POLG: variants seen among roughly 807,000 people sequenced by gnomAD.
POLG encodes DNA polymerase gamma, catalytic subunit, also known as DNA polymerase subunit gamma-1.
A neutral mutation model predicts 155.4 loss-of-function variants in POLG; 110 were observed. The ratio of observed to expected loss-of-function variants is 0.71; its 90% CI spans 0.61 to 0.83. The LOEUF (loss-of-function observed/expected upper bound fraction) is 0.83, where lower values mean the gene tolerates loss of function less well. Among genes scored for constraint, POLG ranks in the 40% least tolerant of loss-of-function variants. The pLI is 0.00. For missense variants in POLG, 1,685 were observed against 1,627.5 expected (o/e 1.04, Z -0.61); for synonymous variants, 701 against 631.5 (o/e 1.11, Z -1.65).
At chr15:89,318,511 G>A (rs934992702) in intron 21 of POLG, 30 bp downstream of exon 21, 2 of 1,596,438 alleles carry the variant, frequency 1.3e-6, no homozygotes, top group African/African-American at 2.7e-5. Context: ...GGAGCACATG[G>A]CCAGGCTAGA....
At chr15:89,328,264 C>T (rs2055548768) in intron 6 of POLG, among the ~76,000 whole-genome samples, 192 bp downstream of exon 6, 1 of 152,188 alleles carries the variant, frequency 6.6e-6, no homozygotes, top group South Asian at 2.1e-4. Context: ...CATGGCCCTC[C>T]CCTTCAGGGC....
chr15:89,328,415 C>T (rs1239812769), intron 6 of POLG, 41 bp downstream of exon 6: 3 of 1,514,438 alleles, frequency 2.0e-6, no homozygotes, highest in Non-Finnish European at 2.7e-6. Context: ...GTACCAGGAA[C>T]ACACTGACCC....
chr15:89,317,843 T>A (rs2055324314), intron 21 of POLG: 2 of 415,712 alleles, frequency 4.8e-6, no homozygotes, highest in Admixed American at 7.4e-5. Flanking sequence ...GAAGCATAAA[T>A]GAGGACTTTT....
Position 89,333,217 on chromosome 15 carries a change from G to A in POLG, c.538C>T (p.Pro180Ser), listed in dbSNP as rs1567193954. Residue 180 changes from proline (P) to serine (S), a missense_variant, in exon 2 of 23, where the codon CCC (proline) becomes TCC (serine). Physicochemically the swap from Pro to Ser is moderately conservative, Grantham distance 74. Around this residue, in one of 3 missense-constraint regions of POLG, gnomAD observed 1,210 missense variants for 1,167.1 expected, o/e 1.04. Coordinates refer to ENST00000268124, the MANE Select transcript of POLG (RefSeq NM_002693.3). ...GCCACGGGTACGGCCTCCCCCTCGG[G>A]GCCGTACCGGGTCCAGCCCTCCGCC... ...AWAEGWTRYGPEGEAVPVAIP... is the reference protein window; with the variant it reads ...AWAEGWTRYGSEGEAVPVAIP... 6.3e-7 allele frequency: 1 copy of A among 1,578,510 alleles called. No individual in the cohort carries two copies. The highest frequency in any genetic ancestry group is 1.3e-5 in the African/African-American group (1 of 74,098).
At position 89,321,826 on chromosome 15, in the gene POLG, G is replaced by C. The variant is rs183811122; in HGVS notation, c.2508C>G (p.Leu836=). Residue 836 remains leucine (L), a synonymous_variant, in exon 16 of 23, where the codon CTC becomes CTG. Coordinates refer to ENST00000268124, the MANE Select transcript of POLG (RefSeq NM_002693.3). ...IRHPDYDEEG[L]YGAILPQVVT... is the part of the protein sequence containing the mutation. ...CCACTTGGGGCAGGATGGCCCCATAGAGGCCTTCCTCATCATAGTCGGGGT... is the reference window on the plus strand; with the variant it reads ...CCACTTGGGGCAGGATGGCCCCATACAGGCCTTCCTCATCATAGTCGGGGT... 6.2e-7 allele frequency: 1 copy of C among 1,614,080 alleles called. No homozygotes were observed. The highest frequency in any genetic ancestry group is 8.5e-7 in the Non-Finnish European group (1 of 1,179,932).
rs772461291 is a variant in POLG, at chr15:89,326,686, G to A, written c.1638C>T (p.Arg546=). 3.4e-5 allele frequency: 55 copies of A among 1,613,996 alleles called. No individual in the cohort carries two copies. Among genetic ancestry groups the A allele is most frequent in the Non-Finnish European group, 4.0e-5 (47 of 1,180,024 alleles). The change falls in exon 9 of 23, where the codon CGC becomes CGT. Residue 546 remains arginine, a synonymous_variant. Coordinates refer to ENST00000268124, the MANE Select transcript of POLG (RefSeq NM_002693.3). ...TCCCCTTCAGCTTCTGCAAGCAGGC[G>A]CGGGCCATGACATCTTGTTGAAACT... ...EEEFQQDVMA[R]ACLQKLKGTT... is the part of the protein sequence containing the mutation.
At chr15:89,319,152 A>C in intron 19 of POLG, 53 bp from the exon 20 acceptor site, 1 of 1,614,170 alleles carries the variant, frequency 6.2e-7, no homozygotes, top group Non-Finnish European at 8.5e-7. Context: ...CTCAAAGCTA[A>C]AAAACAAAGC....
At position 89,333,418 on chromosome 15, in the gene POLG, A is replaced by T. The variant is rs746450616; in HGVS notation, c.337T>A (p.Trp113Arg). 1.2e-6 allele frequency: 2 copies of T among 1,606,678 alleles called. No individual in the cohort carries two copies. The highest frequency in any genetic ancestry group is 1.7e-6 in the Non-Finnish European group (2 of 1,179,216). The change falls in exon 2 of 23, where the codon TGG becomes AGG. Residue 113 changes from tryptophan to arginine, a missense_variant. Transcript: ENST00000268124. ...SVEHLQKHGL[W>R]GQPAVPLPDV... is the part of the protein sequence containing the mutation. ...GGCAAGGGCACGGCTGGCTGCCCCC[A>T]GAGCCCGTGCTTCTGCAGGTGCTCG...
rs1437833255 is a variant in POLG at position 89,322,775 on chromosome 15, A to G, written c.2393T>C (p.Ile798Thr). 1 of 1,614,020 alleles carries G rather than the reference A, an allele frequency of 6.2e-7. No individual in the cohort carries two copies. The highest frequency in any genetic ancestry group is 2.2e-5 in the East Asian group (1 of 44,886). Reference protein sequence around the residue: ...GPRALEINKMISFWRNAHKRI... With the variant: ...GPRALEINKMTSFWRNAHKRI... ...TTTATGGGCGTTCCTCCAGAAAGAA[A>G]TCATTTTGTTGATTTCCAGAGCACG... Residue 798 changes from isoleucine to threonine, a missense_variant, in exon 14 of 23, where the codon ATT becomes ACT. Ile to Thr is a moderately conservative substitution (Grantham distance 89). Coordinates refer to ENST00000268124, the MANE Select transcript of POLG (RefSeq NM_002693.3).
Position 89,325,037 on chromosome 15 carries a change from A to AGAGTGAGT in POLG, c.1949+405_1949+412dup, listed in dbSNP as rs71824331. Among the ~76,000 whole-genome samples, 23 of 70,864 alleles carry AGAGTGAGT rather than the reference A, an allele frequency of 3.2e-4. 5 individuals are homozygous for AGAGTGAGT. The highest frequency in any genetic ancestry group is 1.1e-3 in the East Asian group (3 of 2,704). 46.5% of individuals were successfully genotyped at this position (70,864 alleles called of 152,430 possible). A position where few individuals can be genotyped will look rare whatever the true frequency, so the allele number is the denominator to read the frequency against. Reference sequence around the variant, plus strand: ...CATGGAAGAAAAAACCTGAACCCAGAGAGTGAGTGAGTGAGTGAGAGAGTG... The same window carrying AGAGTGAGT: ...CATGGAAGAAAAAACCTGAACCCAGAGAGTGAGTGAGTGAGTGAGTGAGTGAGAGAGTG... On this transcript the variant is annotated intron_variant, in intron 10 of 22. Coordinates refer to ENST00000268124, the MANE Select transcript of POLG (RefSeq NM_002693.3).
In POLG at chr15:89,328,707, T is replaced by C. The variant is rs2055555258; in HGVS notation, c.1148A>G (p.Lys383Arg). 2 of 1,614,032 alleles carry C rather than the reference T, an allele frequency of 1.2e-6. No homozygotes were observed. The highest frequency in any genetic ancestry group is 8.5e-7 in the Non-Finnish European group (1 of 1,180,034). Residue 383 changes from lysine (K) to arginine (R), a missense_variant, in exon 5 of 23, where the codon AAG becomes AGG. Physicochemically the swap from Lys to Arg is conservative, Grantham distance 26. Coordinates refer to ENST00000268124, the MANE Select transcript of POLG (RefSeq NM_002693.3). ...TACCTGGAAGTTCTCACGAATGTCC[T>C]TCATGGTGCCCTTCACAAACAGTTC... The part of the protein sequence containing the change: ...PRELFVKGTM[K>R]DIRENFQDLM...
chr15:89,324,009 G>A lies in POLG; in HGVS notation c.2070+98C>T, dbSNP rs2055436201. 2.5e-6 allele frequency: 4 copies of A among 1,574,638 alleles called. No homozygotes were observed. In the Admixed American group the frequency reaches 5.0e-5, roughly 20 times the overall value. Reference sequence around the variant, plus strand: ...GACACTGCAGGCCAGTCTGGGGTGAGCCACCAGTGCCAGCCTCCCACCCAA... The same window carrying A: ...GACACTGCAGGCCAGTCTGGGGTGAACCACCAGTGCCAGCCTCCCACCCAA... On this transcript the variant is annotated intron_variant, in intron 11 of 22. Coordinates refer to ENST00000268124, the MANE Select transcript of POLG (RefSeq NM_002693.3).
intron 3 of POLG, 86 bp from the exon 4 acceptor site, chr15:89,329,196 C>A: frequency 8.8e-7 from 1 of 1,139,782 alleles, no homozygotes; most frequent in Non-Finnish European, 1.3e-6. Context: ...GTGTGGACCT[C>A]CAGCCCCACC....
intron 13 of POLG, 137 bp from the exon 14 acceptor site, chr15:89,323,039 G>A (rs959326768): frequency 4.5e-6 from 3 of 663,274 alleles, no homozygotes; most frequent in Non-Finnish European, 4.8e-6. Context: ...ATTGTATCAC[G>A]CACGCGCGCA....
At chr15:89,318,880 C>G in intron 20 of POLG, 51 bp downstream of exon 20, 3 of 1,594,790 alleles carry the variant, frequency 1.9e-6, no homozygotes, top group Non-Finnish European at 2.6e-6. Flanking sequence ...GGGAGCTCTG[C>G]CCTGCCCTCC....
At chr15:89,329,953 TGCGCCTTGCGGCTTCA>T in intron 3 of POLG, 112 bp downstream of exon 3, 1 of 798,804 alleles carries the variant, frequency 1.3e-6, no homozygotes, top group Non-Finnish European at 2.2e-6. Context: ...GGTCAACAGA[TGCGCCTTGCGGCTTCA>T]GCAAAGGCAA....
rs569063066 is a variant in POLG at position 89,316,822 on chromosome 15, C to G, written c.3649G>C (p.Ala1217Pro). The change falls in exon 23 of 23, where the codon GCG (alanine) becomes CCG (proline). Residue 1217 changes from alanine to proline, a missense_variant. Transcript: ENST00000268124. ...ERRYGIPQGE[A>P]LDIYQIIELT... ...TCAATTATCTGGTAAATATCCAGCGCTTCACCTGAAAGATAGTGCAAATTG... is the reference window on the plus strand; with the variant it reads ...TCAATTATCTGGTAAATATCCAGCGGTTCACCTGAAAGATAGTGCAAATTG... 7.4e-6 allele frequency: 12 copies of G among 1,613,156 alleles called. No homozygotes were observed. The highest frequency in any genetic ancestry group is 9.3e-6 in the Non-Finnish European group (11 of 1,179,214).
intron 1 of POLG, 22 bp from the exon 2 acceptor site, chr15:89,333,935 A>C (rs1383366956): frequency 6.0e-6 from 4 of 671,880 alleles, no homozygotes; most frequent in Non-Finnish European, 7.6e-6. Context: ...AGATGATATA[A>C]AGCGTTATTT....
intron 21 of POLG, among the ~76,000 whole-genome samples, 195 bp downstream of exon 21, chr15:89,318,346 T>A (rs2055336509): frequency 6.7e-6 from 1 of 148,524 alleles, no homozygotes; most frequent in Non-Finnish European, 1.5e-5. Flanking sequence ...ACCCAATAAC[T>A]CTTTTTTTAC....
Sources: allele counts gnomAD v4.1 joint callset (sites outside exome capture counted in the v4.1 genomes callset), GRCh38; gene constraint gnomAD v4.1.1; regional missense constraint gnomAD v4.1.1; transcripts MANE v1.5; gene names NCBI Gene and HGNC (gene_info 2026-07-23, HGNC 2026-07-21).